Variants in TSHR observed in about 807,000 individuals in gnomAD.
TSHR encodes thyroid stimulating hormone receptor.
Under a neutral mutation model 64.1 loss-of-function variants are expected in TSHR, and 51 were observed. The ratio of observed to expected loss-of-function variants is 0.80; its 90% CI spans 0.64 to 1.01. TSHR has a LOEUF of 1.01. Among genes scored for constraint, TSHR ranks in the 50% least tolerant of loss-of-function variants. The pLI is 0.00. For synonymous variants in TSHR, 361 were observed against 361.9 expected (o/e 1.00, Z 0.03); for missense variants, 877 against 942.8 (o/e 0.93, Z 0.91).
intron 1 of TSHR, among the ~76,000 whole-genome samples, chr14:80,985,319 T>C (rs1211228660): frequency 2.0e-5 from 3 of 152,240 alleles, no homozygotes; most frequent in Non-Finnish European, 4.4e-5. Flanking sequence ...TAATTTTTTT[T>C]ATCATTTGTG....
chr14:81,001,463 G>T, intron 1 of TSHR: 1 of 501,802 alleles, frequency 2.0e-6, no homozygotes, highest in South Asian at 1.5e-5. Flanking sequence ...TATGCTCAAT[G>T]ACCTGAGAAT....
At chr14:80,972,917 A>G (rs1887651404) in intron 1 of TSHR, among the ~76,000 whole-genome samples, 1 of 152,146 alleles carries the variant, frequency 6.6e-6, no homozygotes, top group South Asian at 2.1e-4. Context: ...TTCAAGTTTC[A>G]TCTAAATTGT....
At chr14:81,028,096 T>C (rs1884163679) in intron 1 of TSHR, among the ~76,000 whole-genome samples, 1 of 152,102 alleles carries the variant, frequency 6.6e-6, no homozygotes, top group Admixed American at 6.6e-5. Context: ...AAGAGAGACC[T>C]TACGATACAT....
In TSHR at chr14:81,142,943, C is replaced by A; in HGVS notation, c.885C>A (p.Ile295=). 1 of 1,614,066 alleles carries A rather than the reference C, an allele frequency of 6.2e-7. No homozygotes were observed. The highest frequency in any genetic ancestry group is 8.5e-7 in the Non-Finnish European group (1 of 1,179,998). The change falls in exon 10 of 10, where the codon ATC becomes ATA. Residue 295 remains isoleucine (I), a synonymous_variant. Coordinates refer to ENST00000298171, the MANE Select transcript of TSHR (RefSeq NM_000369.5). ...ACTCTTTTCTGTTGCCTTGCAGAATCCTTGAGTCCTTGATGTGTAATGAGA... is the reference window on the plus strand; with the variant it reads ...ACTCTTTTCTGTTGCCTTGCAGAATACTTGAGTCCTTGATGTGTAATGAGA... ...AFKNQKKIRG[I]LESLMCNESS... is the part of the protein sequence containing the mutation.
chr14:81,102,272 T>C (rs1444379481), intron 7 of TSHR, among the ~76,000 whole-genome samples: 2 of 152,126 alleles, frequency 1.3e-5, no homozygotes, highest in African/African-American at 4.8e-5. Flanking sequence ...ACACCAGCTT[T>C]CTCCTCAGAC....
At chr14:81,091,028 T>TAATAGAATTTAGGTA in intron 4 of TSHR, 41 bp from the exon 5 acceptor site, 1 of 1,557,326 alleles carries the variant, frequency 6.4e-7, no homozygotes, top group East Asian at 2.2e-5. Context: ...TTTTTTTACC[T>TAATAGAATTTAGGTA]AAATTCTATG....
At chr14:81,067,927 C>CTATATATATATATAGATATATATATA (rs1886757397) in intron 2 of TSHR, among the ~76,000 whole-genome samples, 1 of 95,798 alleles carries the variant, frequency 1.0e-5, no homozygotes, top group Non-Finnish European at 1.9e-5. Context: ...CAGGGTGACA[C>CTATATATATATATAGATATATATATA]TATATATATA....
At chr14:81,010,690 C>A (rs1479713624) in intron 1 of TSHR, among the ~76,000 whole-genome samples, 1 of 152,010 alleles carries the variant, frequency 6.6e-6, no homozygotes, top group Non-Finnish European at 1.5e-5. Flanking sequence ...TTATTGCATT[C>A]ATTAGAAACC....
chr14:81,021,211 T>G (rs560726276), intron 1 of TSHR, among the ~76,000 whole-genome samples: 10 of 152,240 alleles, frequency 6.6e-5, no homozygotes, highest in Admixed American at 2.6e-4. Flanking sequence ...TGGTCCCTGG[T>G]ACCAAAAAGG....
chr14:81,096,605 A>G, intron 6 of TSHR, 34 bp from the exon 7 acceptor site: 1 of 1,605,830 alleles, frequency 6.2e-7, no homozygotes, highest in South Asian at 1.1e-5. Flanking sequence ...ACTTCTCACC[A>G]GTCACTGATT....
intron 2 of TSHR, 77 bp downstream of exon 2, chr14:81,062,296 C>A: frequency 9.1e-7 from 1 of 1,099,836 alleles, no homozygotes; most frequent in Non-Finnish European, 1.4e-6. Flanking sequence ...AAGAAAAATA[C>A]TTGGTATTAT....
chr14:80,983,882 T>C (rs576629770), intron 1 of TSHR, among the ~76,000 whole-genome samples: 8 of 152,386 alleles, frequency 5.2e-5, no homozygotes, highest in African/African-American at 1.9e-4. Context: ...GCATATTTTT[T>C]ACATTTTATT....
chr14:81,015,065 G>C (rs1890115263), intron 1 of TSHR, among the ~76,000 whole-genome samples: 1 of 152,068 alleles, frequency 6.6e-6, no homozygotes, highest in South Asian at 2.1e-4. Context: ...CTGAGTATTA[G>C]GATCATGATC....
intron 1 of TSHR, chr14:80,982,708 G>T: frequency 1.1e-6 from 1 of 886,150 alleles, no homozygotes; most frequent in Non-Finnish European, 1.6e-6. Flanking sequence ...GGCATCTAAG[G>T]CAAGCCCTCC....
At chr14:80,987,050 C>A (rs1181507255) in intron 1 of TSHR, among the ~76,000 whole-genome samples, 2 of 152,158 alleles carry the variant, frequency 1.3e-5, no homozygotes, top group African/African-American at 4.8e-5. Flanking sequence ...ATCGACCCTT[C>A]CTTTTTCTTA....
chr14:81,099,718 T>A (rs1340164908), intron 7 of TSHR, among the ~76,000 whole-genome samples: 1 of 152,182 alleles, frequency 6.6e-6, no homozygotes, highest in Non-Finnish European at 1.5e-5. Context: ...ACAAAAATGC[T>A]GGGATGATAA....
At position 81,143,880 on chromosome 14, in the gene TSHR, G is replaced by A. The variant is rs1891818397; in HGVS notation, c.1822G>A (p.Val608Ile). 6.2e-7 allele frequency: 1 copy of A among 1,614,112 alleles called. No homozygotes were observed. Among genetic ancestry groups the A allele is most frequent in the Middle Eastern group, 1.6e-4 (1 of 6,062 alleles). Residue 608 changes from valine (V) to isoleucine (I), a missense_variant, in exon 10 of 10, where the codon GTC becomes ATC. By Grantham distance (29) the Val-to-Ile change is conservative. Transcript: ENST00000298171. Reference protein sequence around the residue: ...CCCYVKIYITVRNPQYNPGDK... With the variant: ...CCCYVKIYITIRNPQYNPGDK... ...CTGTTATGTGAAGATCTACATCACAGTCCGAAATCCGCAGTACAACCCAGG... is the reference window on the plus strand; with the variant it reads ...CTGTTATGTGAAGATCTACATCACAATCCGAAATCCGCAGTACAACCCAGG...
chr14:81,134,960 A>T (rs967880232), intron 8 of TSHR, among the ~76,000 whole-genome samples: 1 of 152,216 alleles, frequency 6.6e-6, no homozygotes, highest in African/African-American at 2.4e-5. Flanking sequence ...TCCAGAAGTA[A>T]TAACAAGTCA....
chr14:81,144,012 C>A lies in TSHR; in HGVS notation c.1954C>A (p.Pro652Thr). 1 of 1,614,176 alleles carries A rather than the reference C, an allele frequency of 6.2e-7. No homozygotes were observed. The highest frequency in any genetic ancestry group is 1.3e-5 in the African/African-American group (1 of 75,034). The change falls in exon 10 of 10, where the codon CCT (proline) becomes ACT (threonine). Residue 652 changes from proline to threonine, a missense_variant. Transcript: ENST00000298171. ...TGCTCTGTCAGCAATTCTGAACAAGCCTCTCATCACTGTTAGCAACTCCAA... is the reference window on the plus strand; with the variant it reads ...TGCTCTGTCAGCAATTCTGAACAAGACTCTCATCACTGTTAGCAACTCCAA... ...FYALSAILNK[P>T]LITVSNSKIL... is the part of the protein sequence containing the mutation.
Sources: gnomAD v4.1 joint callset for allele counts (sites outside exome capture counted in the v4.1 genomes callset) on GRCh38, gnomAD v4.1.1 for gene constraint, MANE v1.5 for transcripts, NCBI Gene and HGNC (gene_info 2026-07-23, HGNC 2026-07-21) for gene names.